Variants in EPHB1 observed in about 807,000 individuals in gnomAD.
The protein encoded by EPHB1 is ephrin type-B receptor 1.
In EPHB1, 30 loss-of-function variants were observed where a neutral mutation model predicts 94.4. That is an observed-to-expected ratio of 0.32 (90% CI 0.24 to 0.43). EPHB1 has a LOEUF of 0.43. Among genes scored for constraint, EPHB1 ranks in the 20% least tolerant of loss-of-function variants. The pLI, the probability that EPHB1 is intolerant of heterozygous loss-of-function variation, is 1.00. For synonymous variants in EPHB1, 522 were observed against 489.1 expected, an observed-to-expected ratio of 1.07 and a Z score of -0.89; for missense variants, 1,055 against 1,308.3, an observed-to-expected ratio of 0.81 and a Z score of 2.99.
At position 134,973,956 on chromosome 3, in the gene EPHB1, C is replaced by G. The variant is rs188870784; in HGVS notation, c.805+21904C>G. On this transcript the variant is annotated intron_variant, in intron 3 of 15. Coordinates refer to ENST00000398015, the MANE Select transcript of EPHB1 (RefSeq NM_004441.5). Reference sequence around the variant, plus strand: ...AGAGGTTTTGTCTGACCTGGAAAAACAAGAGGAGCATGTCTGCAGGAGAGA... The same window carrying G: ...AGAGGTTTTGTCTGACCTGGAAAAAGAAGAGGAGCATGTCTGCAGGAGAGA... Among the ~76,000 whole-genome samples the G allele has an allele frequency of 2.0e-5, 3 of 152,206 alleles. No homozygotes were observed. In the East Asian group the frequency reaches 5.8e-4, roughly 29 times the overall value.
chr3:135,034,478 G>A (rs1203971894), intron 3 of EPHB1, among the ~76,000 whole-genome samples: 2 of 152,242 alleles, frequency 1.3e-5, no homozygotes, highest in Non-Finnish European at 2.9e-5. Context: ...GCTCTTGACT[G>A]TGCATCTGTA....
intron 3 of EPHB1, among the ~76,000 whole-genome samples, chr3:134,970,579 G>A (rs1256425333): frequency 6.6e-6 from 1 of 152,128 alleles, no homozygotes; most frequent in South Asian, 2.1e-4. Context: ...TGAGGACAGC[G>A]GTATTTGAGT....
intron 3 of EPHB1, among the ~76,000 whole-genome samples, chr3:135,010,009 C>T (rs1935564784): frequency 1.3e-5 from 2 of 152,126 alleles, no homozygotes; most frequent in African/African-American, 4.8e-5. Flanking sequence ...ACAGCTATCC[C>T]TCTGATAGAA....
intron 3 of EPHB1, among the ~76,000 whole-genome samples, chr3:135,061,773 G>A (rs1277937000): frequency 6.6e-6 from 1 of 152,036 alleles, no homozygotes; most frequent in Non-Finnish European, 1.5e-5. Flanking sequence ...ACAGGCCCTG[G>A]TGTGTGATGT....
intron 1 of EPHB1, among the ~76,000 whole-genome samples, chr3:134,843,354 T>C (rs1215591553): frequency 3.3e-5 from 5 of 152,236 alleles, no homozygotes; most frequent in African/African-American, 9.6e-5. Flanking sequence ...ATGTATCTAG[T>C]TGGGAATCTC....
At chr3:135,111,748 C>G (rs1372971199) in intron 4 of EPHB1, among the ~76,000 whole-genome samples, 1 of 152,166 alleles carries the variant, frequency 6.6e-6, no homozygotes, top group East Asian at 1.9e-4. Context: ...GGCGTGATCT[C>G]AGCTCGCTGC....
chr3:134,900,377 A>T (rs149171384), intron 1 of EPHB1, among the ~76,000 whole-genome samples: 1 of 152,308 alleles, frequency 6.6e-6, no homozygotes, highest in Admixed American at 6.5e-5. Flanking sequence ...GAGATAACCT[A>T]AAAAGGATTT....
intron 4 of EPHB1, among the ~76,000 whole-genome samples, chr3:135,120,199 T>C (rs536305275): frequency 3.6e-4 from 55 of 152,338 alleles, no homozygotes; most frequent in African/African-American, 1.2e-3. Flanking sequence ...ATAGATTACT[T>C]TGGGGATGAT....
chr3:135,137,977 G>T (rs866490355), intron 5 of EPHB1, among the ~76,000 whole-genome samples: 27 of 152,302 alleles, frequency 1.8e-4, no homozygotes, highest in African/African-American at 6.3e-4. Context: ...CTAATGATGA[G>T]GTAGGAAGTG....
chr3:134,806,118 A>C (rs1175195032), intron 1 of EPHB1, among the ~76,000 whole-genome samples: 2 of 152,238 alleles, frequency 1.3e-5, no homozygotes, highest in Non-Finnish European at 1.5e-5. Context: ...GTAGTCATTT[A>C]AAATATATCT....
At chr3:134,859,560 T>C (rs979534448) in intron 1 of EPHB1, among the ~76,000 whole-genome samples, 2 of 152,140 alleles carry the variant, frequency 1.3e-5, no homozygotes, top group African/African-American at 2.4e-5. Context: ...TGAGACCCCG[T>C]TGAGCCTTCT....
At chr3:135,181,051 T>C (rs1942139755) in intron 10 of EPHB1, among the ~76,000 whole-genome samples, 1 of 152,220 alleles carries the variant, frequency 6.6e-6, no homozygotes, top group Admixed American at 6.5e-5. Flanking sequence ...CTACTTCATA[T>C]ATTATCTTTA....
intron 9 of EPHB1, among the ~76,000 whole-genome samples, chr3:135,178,969 T>C (rs1004198347): frequency 6.6e-6 from 1 of 152,224 alleles, no homozygotes; most frequent in Admixed American, 6.5e-5. Flanking sequence ...TCAAACATGT[T>C]GAAAAATTAC....
intron 10 of EPHB1, among the ~76,000 whole-genome samples, chr3:135,189,994 G>A (rs917541098): frequency 2.6e-5 from 4 of 152,146 alleles, no homozygotes; most frequent in Admixed American, 1.3e-4. Flanking sequence ...GGGCATGATG[G>A]TCCCTGAACT....
chr3:134,844,253 G>A (rs929299937), intron 1 of EPHB1, among the ~76,000 whole-genome samples: 4 of 152,228 alleles, frequency 2.6e-5, no homozygotes, highest in African/African-American at 9.6e-5. Flanking sequence ...AGCACCTTGA[G>A]CCTCAAGACT....
rs568855757 is a variant in EPHB1 at position 134,839,067 on chromosome 3, C to T, written c.58+43378C>T. 2.3e-3 allele frequency among the ~76,000 whole-genome samples: 347 copies of T among 152,286 alleles called. 1 individual carries two copies. Among genetic ancestry groups the T allele is most frequent in the Non-Finnish European group, 3.9e-3 (268 of 68,016 alleles). On this transcript the variant is annotated intron_variant, in intron 1 of 15. Transcript: ENST00000398015. ...ACTATGTGCTAGGCATTGTATCAAG[C>T]GTTTTATATATGTTACCTCATTTGA... is the stretch of plus-strand genomic sequence containing the variant.
rs76288500 is a variant in EPHB1, at chr3:134,849,800, G to T, written c.58+54111G>T. ...TGGGCCACCCCAGAAAGACCTGTGG[G>T]TCGGGGTCTGTTACCCCGTTCTTAG... On this transcript the variant is annotated intron_variant, in intron 1 of 15. Transcript: ENST00000398015. Among the ~76,000 whole-genome samples, 395 of 152,318 alleles carry T rather than the reference G, an allele frequency of 2.6e-3. 3 individuals carry two copies. The highest frequency in any genetic ancestry group is 4.6e-3 in the Non-Finnish European group (310 of 68,026).
At chr3:134,923,012 T>C (rs540776538) in intron 1 of EPHB1, among the ~76,000 whole-genome samples, 1 of 152,166 alleles carries the variant, frequency 6.6e-6, no homozygotes, top group African/African-American at 2.4e-5. Context: ...AAGTGTATTA[T>C]GTAAATTTGG....
At chr3:135,031,258 T>C (rs567243154) in intron 3 of EPHB1, among the ~76,000 whole-genome samples, 1 of 152,284 alleles carries the variant, frequency 6.6e-6, no homozygotes, top group Non-Finnish European at 1.5e-5. Flanking sequence ...TCAAGAAGGT[T>C]ACAAAGAATC....
Sources: allele counts gnomAD v4.1 joint callset (sites outside exome capture counted in the v4.1 genomes callset), GRCh38; gene constraint gnomAD v4.1.1; transcripts MANE v1.5; gene names NCBI Gene and HGNC (gene_info 2026-07-23, HGNC 2026-07-21).